SIMC1: variants seen among roughly 807,000 people sequenced by gnomAD.
The protein encoded by SIMC1 is SUMO-interacting motif-containing protein 1.
A neutral mutation model predicts 82.3 loss-of-function variants in SIMC1; 55 were observed. That is an observed-to-expected ratio of 0.67 (90% confidence interval 0.54 to 0.84). The LOEUF (loss-of-function observed/expected upper bound fraction) is 0.84, where lower values mean the gene tolerates loss of function less well. Ranked by LOEUF, SIMC1 falls within the 40% of genes least tolerant of loss-of-function variation. The pLI is 0.00. For missense variants in SIMC1, 915 were observed against 1,107.2 expected (o/e 0.83, Z 2.46); for synonymous variants, 353 against 426.3 (o/e 0.83, Z 2.12).
chr5:176,315,472 G>C (rs1764858148), intron 5 of SIMC1, among the ~76,000 whole-genome samples: 1 of 152,170 alleles, frequency 6.6e-6, no homozygotes, highest in Non-Finnish European at 1.5e-5. Context: ...TATCAAAGCT[G>C]TATCAGATGG....
At chr5:176,335,021 G>A (rs1174904227) in intron 7 of SIMC1, among the ~76,000 whole-genome samples, 1 of 151,582 alleles carries the variant, frequency 6.6e-6, no homozygotes, top group African/African-American at 2.4e-5. Flanking sequence ...AACCCGGGGG[G>A]TGGGGGTGGA....
intron 1 of SIMC1, among the ~76,000 whole-genome samples, chr5:176,266,309 G>C (rs1762210415): frequency 6.6e-6 from 1 of 152,090 alleles, no homozygotes; most frequent in South Asian, 2.1e-4. Context: ...AGAAATTACA[G>C]AGGAATCCCT....
chr5:176,306,803 A>G (rs184031784), intron 4 of SIMC1, among the ~76,000 whole-genome samples: 128 of 150,344 alleles, frequency 8.5e-4, no homozygotes, highest in African/African-American at 2.5e-3. Flanking sequence ...CTGCCTAGGA[A>G]AACCAGAGAC....
intron 1 of SIMC1, among the ~76,000 whole-genome samples, chr5:176,271,637 A>G (rs982275832): frequency 6.6e-6 from 1 of 151,530 alleles, no homozygotes; most frequent in Non-Finnish European, 1.5e-5. Flanking sequence ...TTTAGATACA[A>G]TGAATAAGAT....
intron 5 of SIMC1, among the ~76,000 whole-genome samples, chr5:176,319,884 T>A (rs1041757206): frequency 6.6e-6 from 1 of 152,206 alleles, no homozygotes; most frequent in Non-Finnish European, 1.5e-5. Flanking sequence ...CTGGTAAACC[T>A]TGGTAGTTTA....
intron 6 of SIMC1, among the ~76,000 whole-genome samples, chr5:176,323,987 CAAAAAAAAAA>C (rs754656711): frequency 2.1e-5 from 2 of 96,952 alleles, no homozygotes; most frequent in African/African-American, 7.5e-5. Flanking sequence ...GACTCCATCT[CAAAAAAAAAA>C]AAAAAAAAAA....
intron 1 of SIMC1, among the ~76,000 whole-genome samples, chr5:176,260,005 ATATT>A (rs1439926231): frequency 1.3e-5 from 2 of 148,578 alleles, no homozygotes; most frequent in South Asian, 4.2e-4. Flanking sequence ...AAATTTATAT[ATATT>A]TATATATAAT....
chr5:176,252,599 G>A (rs1294107361), intron 1 of SIMC1, among the ~76,000 whole-genome samples: 6 of 150,376 alleles, frequency 4.0e-5, no homozygotes, highest in East Asian at 2.0e-4. Context: ...GGGAAGAGGC[G>A]CTCCTCACTT....
chr5:176,337,053 T>C lies in SIMC1; in HGVS notation c.2329-9T>C, dbSNP rs1561735046. The C allele has an allele frequency of 2.5e-6, 4 of 1,613,510 alleles. No homozygotes were observed. Among genetic ancestry groups the C allele is most frequent in the African/African-American group, 2.7e-5 (2 of 75,008 alleles). Reference sequence around the variant, plus strand: ...CATTTATTATCAATCCATTTTACTATCTCTGCAGTCAGATAAAAGCCAGTG... The same window carrying C: ...CATTTATTATCAATCCATTTTACTACCTCTGCAGTCAGATAAAAGCCAGTG... On this transcript the variant is annotated splice_polypyrimidine_tract_variant and intron_variant, in intron 8 of 9. Coordinates refer to ENST00000429602, the MANE Select transcript of SIMC1 (RefSeq NM_001308195.2).
chr5:176,292,070 A>G (rs1482863064), intron 2 of SIMC1, among the ~76,000 whole-genome samples: 3 of 152,084 alleles, frequency 2.0e-5, no homozygotes, highest in Non-Finnish European at 4.4e-5. Flanking sequence ...AAATAAATAA[A>G]TGTTTATCTT....
In SIMC1 at chr5:176,336,783, C is replaced by A. The variant is rs1213544663; in HGVS notation, c.2235C>A (p.Phe745Leu). Residue 745 changes from phenylalanine to leucine, a missense_variant, in exon 8 of 10, where the codon TTC (phenylalanine) becomes TTA (leucine). Physicochemically the swap from Phe to Leu is conservative, Grantham distance 22. Coordinates refer to ENST00000429602, the MANE Select transcript of SIMC1 (RefSeq NM_001308195.2). ...GCTGCAAAGTGTTAGAAATCATATTCCTCCACAGCTGTGAGACACCCACCC... is the reference window on the plus strand; with the variant it reads ...GCTGCAAAGTGTTAGAAATCATATTACTCCACAGCTGTGAGACACCCACCC... ...LLRCKVLEIIFLHSCETPTRL... is the reference protein window; with the variant it reads ...LLRCKVLEIILLHSCETPTRL... 2.5e-6 allele frequency: 4 copies of A among 1,613,896 alleles called. No individual in the cohort carries two copies. The highest frequency in any genetic ancestry group is 2.2e-5 in the East Asian group (1 of 44,898).
chr5:176,246,618 A>G (rs1761456777), intron 1 of SIMC1, among the ~76,000 whole-genome samples: 1 of 151,716 alleles, frequency 6.6e-6, no homozygotes, highest in Non-Finnish European at 1.5e-5. Flanking sequence ...TTTATTTATT[A>G]TTATTATTAT....
chr5:176,304,984 G>A (rs1349727866), intron 4 of SIMC1, among the ~76,000 whole-genome samples: 2 of 129,188 alleles, frequency 1.5e-5, no homozygotes, highest in African/African-American at 2.9e-5. Context: ...GAGCCCCTCC[G>A]CCCGGCAGCT....
Position 176,345,334 on chromosome 5 carries a change from T to C in SIMC1, c.2565T>C (p.Pro855=), listed in dbSNP as rs754052675. The change falls in exon 10 of 10, where the codon CCT becomes CCC. Residue 855 remains proline (P), a synonymous_variant. Coordinates refer to ENST00000429602, the MANE Select transcript of SIMC1 (RefSeq NM_001308195.2). Reference sequence around the variant, plus strand: ...GCCTGATCCAGATGCTGGGGGAGCCTCTTGTCCCCCAACTCCAAGACAAAG... The same window carrying C: ...GCCTGATCCAGATGCTGGGGGAGCCCCTTGTCCCCCAACTCCAAGACAAAG... ...RSRLIQMLGE[P]LVPQLQDKVH... 1 of 1,613,958 alleles carries C rather than the reference T, an allele frequency of 6.2e-7. No individual in the cohort carries two copies. Among genetic ancestry groups the C allele is most frequent in the Admixed American group, 1.7e-5 (1 of 60,018 alleles).
At chr5:176,342,694 T>C (rs1766202710) in intron 9 of SIMC1, among the ~76,000 whole-genome samples, 2 of 152,186 alleles carry the variant, frequency 1.3e-5, no homozygotes, top group Non-Finnish European at 2.9e-5. Context: ...CCTTTGACCT[T>C]TGCATGGTTG....
chr5:176,277,720 G>C (rs536707798), intron 1 of SIMC1, among the ~76,000 whole-genome samples: 3 of 151,960 alleles, frequency 2.0e-5, no homozygotes, highest in Non-Finnish European at 2.9e-5. Flanking sequence ...TTTCCCCATT[G>C]CTTGTTTTTC....
At chr5:176,297,321 A>G (rs1356786577) in intron 4 of SIMC1, among the ~76,000 whole-genome samples, 1 of 151,980 alleles carries the variant, frequency 6.6e-6, no homozygotes, top group African/African-American at 2.4e-5. Context: ...CCCAACATGG[A>G]GAAACCCTGT....
At chr5:176,286,845 A>G (rs1339262646) in intron 1 of SIMC1, among the ~76,000 whole-genome samples, 1 of 152,266 alleles carries the variant, frequency 6.6e-6, no homozygotes, top group Non-Finnish European at 1.5e-5. Context: ...TCTCAAAAGA[A>G]GACATTTATG....
chr5:176,267,981 C>T (rs1039655316), intron 1 of SIMC1, among the ~76,000 whole-genome samples: 3 of 151,878 alleles, frequency 2.0e-5, no homozygotes, highest in African/African-American at 7.3e-5. Context: ...AGCTCCTGAG[C>T]GCAAGCAATC....
Sources: allele counts gnomAD v4.1 joint callset (sites outside exome capture counted in the v4.1 genomes callset), GRCh38; gene constraint gnomAD v4.1.1; transcripts MANE v1.5; gene names NCBI Gene and HGNC (gene_info 2026-07-23, HGNC 2026-07-21).